FAT3: variants seen among roughly 807,000 people sequenced by gnomAD.
The protein encoded by FAT3 is FAT atypical cadherin 3, also known as protocadherin Fat 3.
FAT3 carries 95 observed loss-of-function variants against 310.2 expected under a neutral mutation model. The observed-to-expected ratio is 0.31, with a 90% CI of 0.26 to 0.36. The LOEUF is 0.36. Ranked by LOEUF, FAT3 falls within the 10% of genes least tolerant of loss-of-function variation. The pLI is 1.00. For missense variants in FAT3, 5,408 were observed against 5,715.6 expected (o/e 0.95, Z 1.74); for synonymous variants, 2,314 against 2,192.9 (o/e 1.06, Z -1.54).
intron 2 of FAT3, among the ~76,000 whole-genome samples, chr11:92,418,114 A>C (rs915465739): frequency 6.6e-6 from 1 of 152,204 alleles, no homozygotes; most frequent in Non-Finnish European, 1.5e-5. Context: ...TTTTGTATGT[A>C]GATTATCTAA....
intron 25 of FAT3, 101 bp downstream of exon 25, chr11:92,887,214 C>T (rs1403666048): frequency 1.0e-6 from 1 of 984,414 alleles, no homozygotes; most frequent in Non-Finnish European, 1.5e-6. Flanking sequence ...TGTTTCTCAA[C>T]CTGTTCATGG....
chr11:92,399,066 T>C (rs1949951671), intron 2 of FAT3, among the ~76,000 whole-genome samples: 2 of 152,232 alleles, frequency 1.3e-5, no homozygotes. Context: ...ATATCTGATA[T>C]GATCAGGACC....
chr11:92,832,156 C>T, intron 14 of FAT3, 145 bp downstream of exon 14: 1 of 941,948 alleles, frequency 1.1e-6, no homozygotes, highest in South Asian at 1.9e-5. Context: ...CAGAGTGAGA[C>T]CCTGTCTCTA....
chr11:92,284,672 T>C (rs1014908061), intron 1 of FAT3, among the ~76,000 whole-genome samples: 11 of 152,068 alleles, frequency 7.2e-5, no homozygotes, highest in African/African-American at 2.7e-4. Context: ...TTAGATGAAC[T>C]TTGCAGAGGT....
At chr11:92,708,871 A>T (rs1358138045) in intron 4 of FAT3, among the ~76,000 whole-genome samples, 5 of 152,212 alleles carry the variant, frequency 3.3e-5, no homozygotes, top group African/African-American at 1.2e-4. Context: ...GTAAACATGT[A>T]AGTTGCAATA....
intron 3 of FAT3, among the ~76,000 whole-genome samples, chr11:92,628,664 G>GTTGT (rs1941428467): frequency 1.3e-5 from 2 of 152,210 alleles, no homozygotes; most frequent in Admixed American, 1.3e-4. Flanking sequence ...CCAAAAGGCG[G>GTTGT]TGTTTCCATG....
intron 3 of FAT3, among the ~76,000 whole-genome samples, chr11:92,550,533 C>T (rs1243164924): frequency 1.3e-5 from 2 of 152,314 alleles, no homozygotes; most frequent in East Asian, 3.9e-4. Flanking sequence ...ATGATGACCA[C>T]TGGGAGTATT....
rs1339994032 is a variant in FAT3, at chr11:92,844,717, C to A, written c.11350C>A (p.Arg3784Ser). 1 of 1,541,948 alleles carries A rather than the reference C, an allele frequency of 6.5e-7. No individual in the cohort carries two copies. The highest frequency in any genetic ancestry group is 1.2e-5 in the South Asian group (1 of 81,588). The change falls in exon 19 of 28, where the codon CGT becomes AGT. Residue 3784 changes from arginine (R) to serine (S), a missense_variant. Physicochemically the swap from Arg to Ser is moderately radical, Grantham distance 110. Coordinates refer to ENST00000525166, the MANE Select transcript of FAT3 (RefSeq NM_001367949.2). ...GTGTCCGCGTTTCTACAGGAACGTG[C>A]GTTGCACCTGCAATGGTGAGTGCAG... The part of the protein sequence containing the change: ...FVCPRFYRNV[R>S]CTCNGGLCPG...
intron 3 of FAT3, among the ~76,000 whole-genome samples, chr11:92,594,586 A>G (rs1039104840): frequency 1.3e-5 from 2 of 152,170 alleles, no homozygotes; most frequent in African/African-American, 4.8e-5. Flanking sequence ...CTTTTATTGA[A>G]CACATCTTTT....
intron 25 of FAT3, among the ~76,000 whole-genome samples, chr11:92,888,732 G>GC (rs1308752755): frequency 1.3e-5 from 2 of 152,208 alleles, no homozygotes; most frequent in African/African-American, 4.8e-5. Context: ...CATCAACCCT[G>GC]CAAAGGTTAT....
intron 10 of FAT3, among the ~76,000 whole-genome samples, chr11:92,802,430 G>A (rs1472884740): frequency 6.6e-6 from 1 of 152,074 alleles, no homozygotes; most frequent in Non-Finnish European, 1.5e-5. Flanking sequence ...AAATCAAGGG[G>A]TATTTCTTCT....
chr11:92,510,362 G>A (rs1953251873), intron 2 of FAT3, among the ~76,000 whole-genome samples: 1 of 152,102 alleles, frequency 6.6e-6, no homozygotes, highest in Non-Finnish European at 1.5e-5. Context: ...TGGTGGTTAT[G>A]CAAATTAGCA....
chr11:92,390,493 A>G (rs541862852), intron 2 of FAT3, among the ~76,000 whole-genome samples: 1 of 152,276 alleles, frequency 6.6e-6, no homozygotes, highest in Admixed American at 6.5e-5. Flanking sequence ...GTTGCTCACC[A>G]TCACTTACCA....
At chr11:92,803,965 C>T (rs1195857680) in intron 10 of FAT3, among the ~76,000 whole-genome samples, 1 of 152,218 alleles carries the variant, frequency 6.6e-6, no homozygotes, top group Admixed American at 6.5e-5. Flanking sequence ...AGAATGCAGT[C>T]TGGCACTCAG....
Position 92,799,285 on chromosome 11 carries a change from C to A in FAT3, c.6272C>A (p.Ala2091Asp). 6.2e-7 allele frequency: 1 copy of A among 1,613,954 alleles called. No homozygotes were observed. The highest frequency in any genetic ancestry group is 8.5e-7 in the Non-Finnish European group (1 of 1,179,870). ...GTCTTTGTGGGCCTCCCATACTATG[C>A]TGCTGTTCAAGTGGATGCGGAACCC... Reference protein sequence around the residue: ...SPVFVGLPYYAAVQVDAEPGT... With the variant: ...SPVFVGLPYYDAVQVDAEPGT... The change falls in exon 10 of 28, where the codon GCT becomes GAT. Residue 2091 changes from alanine to aspartate, a missense_variant. By Grantham distance (126) the Ala-to-Asp change is moderately radical (BLOSUM62 -2). Transcript: ENST00000525166.
chr11:92,368,845 T>TATATATATATATAC (rs1196442457), intron 2 of FAT3, among the ~76,000 whole-genome samples: 8 of 145,898 alleles, frequency 5.5e-5, no homozygotes, highest in African/African-American at 1.9e-4. Context: ...TATATATATA[T>TATATATATATATAC]ATACACACAT....
At chr11:92,715,387 G>A (rs1343200920) in intron 4 of FAT3, among the ~76,000 whole-genome samples, 1 of 151,688 alleles carries the variant, frequency 6.6e-6, no homozygotes, top group Non-Finnish European at 1.5e-5. Flanking sequence ...CAGCCTGGGT[G>A]ACAGTGCAAG....
Position 92,800,892 on chromosome 11 carries a change from C to A in FAT3, c.7879C>A (p.Pro2627Thr), listed in dbSNP as rs761034111. The change falls in exon 10 of 28, where the codon CCC becomes ACC. Residue 2627 changes from proline to threonine, a missense_variant. By Grantham distance (38) the Pro-to-Thr change is conservative. Coordinates refer to ENST00000525166, the MANE Select transcript of FAT3 (RefSeq NM_001367949.2). ...GGTCACTCAAGTTCAAGCCATAGAT[C>A]CCGATGATGGAGCAAATTCAAGGAT... ...HLVTQVQAID[P>T]DDGANSRITY... The A allele has an allele frequency of 1.2e-6, 2 of 1,613,268 alleles. No individual in the cohort carries two copies. Among genetic ancestry groups the A allele is most frequent in the East Asian group, 4.5e-5 (2 of 44,792 alleles).
chr11:92,429,318 C>T (rs1449872988), intron 2 of FAT3, among the ~76,000 whole-genome samples: 2 of 152,086 alleles, frequency 1.3e-5, no homozygotes, highest in Non-Finnish European at 2.9e-5. Context: ...AGGGATGGGA[C>T]TTAACTCTTT....
Sources: allele counts gnomAD v4.1 joint callset (sites outside exome capture counted in the v4.1 genomes callset), GRCh38; gene constraint gnomAD v4.1.1; transcripts MANE v1.5; gene names NCBI Gene and HGNC (gene_info 2026-07-23, HGNC 2026-07-21).